The following TUT4 variants were observed in gnomAD, a reference collection of about 807,000 sequenced individuals.
The protein encoded by TUT4 is terminal uridylyl transferase 4, also known as terminal uridylyltransferase 4.
A neutral mutation model predicts 192.2 loss-of-function variants in TUT4; 36 were observed. The observed-to-expected ratio is 0.19, with a 90% CI of 0.14 to 0.25. The LOEUF (loss-of-function observed/expected upper bound fraction) is 0.25, where lower values mean the gene tolerates loss of function less well. Ranked by LOEUF, TUT4 falls within the 10% of genes least tolerant of loss-of-function variation. The probability of loss-of-function intolerance (pLI) is 1.00; values close to 1 mark genes in which losing one functional copy is unlikely to be tolerated. For missense variants in TUT4, 1,493 were observed against 1,957.2 expected, an observed-to-expected ratio of 0.76 and a Z score of 4.47; for synonymous variants, 618 against 666.0, an observed-to-expected ratio of 0.93 and a Z score of 1.11.
chr1:52,475,643 C>A, intron 12 of TUT4, 108 bp from the exon 13 acceptor site: 1 of 1,085,832 alleles, frequency 9.2e-7, no homozygotes, highest in Non-Finnish European at 1.3e-6. Flanking sequence ...ATACATTTTC[C>A]CAAGGGGTTT....
At chr1:52,430,624 C>T (rs1158066925) in intron 28 of TUT4, among the ~76,000 whole-genome samples, 2 of 152,212 alleles carry the variant, frequency 1.3e-5, no homozygotes, top group African/African-American at 2.4e-5. Context: ...AGTGAAGTTA[C>T]TTAACTCTTC....
chr1:52,470,062 C>T (rs1665307659), intron 14 of TUT4, among the ~76,000 whole-genome samples: 1 of 152,088 alleles, frequency 6.6e-6, no homozygotes, highest in Non-Finnish European at 1.5e-5. Context: ...TAATCTCATT[C>T]TCCAATAAAA....
At chr1:52,493,574 A>T (rs750631537) in intron 7 of TUT4, 37 bp downstream of exon 7, 9 of 550,358 alleles carry the variant, frequency 1.6e-5, no homozygotes, top group Admixed American at 1.3e-4. Flanking sequence ...AAGACAAATT[A>T]AAAAAAAAAA....
chr1:52,482,610 G>A (rs1244474390), intron 9 of TUT4, among the ~76,000 whole-genome samples: 1 of 151,938 alleles, frequency 6.6e-6, no homozygotes, highest in African/African-American at 2.4e-5. Flanking sequence ...TTATTTTGTA[G>A]ACTATTTGTA....
rs1678564465 is a variant in TUT4, at chr1:52,515,786, C to T, written c.882+105G>A. The stretch of plus-strand genomic sequence containing the variant: ...AGAGGGAAGTAAGGAAAGATGAATG[C>T]AACCTCTGTCTTATGAATAAAAGAA... On this transcript the variant is annotated intron_variant, in intron 3 of 29. Coordinates refer to ENST00000257177, the MANE Select transcript of TUT4 (RefSeq NM_001009881.3). 3.0e-6 allele frequency: 4 copies of T among 1,337,486 alleles called. No homozygotes were observed. In the South Asian group the frequency reaches 3.8e-5, roughly 13 times the overall value. The allele number at this position is 1,337,486 out of a possible 1,614,324, so 82.9% of individuals were successfully genotyped here. A position where few individuals can be genotyped will look rare whatever the true frequency, so the allele number is the denominator to read the frequency against.
chr1:52,480,813 A>G (rs1268208342), intron 11 of TUT4, among the ~76,000 whole-genome samples: 1 of 152,238 alleles, frequency 6.6e-6, no homozygotes, highest in East Asian at 1.9e-4. Flanking sequence ...GAGAGTATAC[A>G]GTAGTACAGG....
At chr1:52,461,355 A>C in intron 18 of TUT4, 132 bp from the exon 19 acceptor site, 1 of 1,110,484 alleles carries the variant, frequency 9.0e-7, no homozygotes, top group Non-Finnish European at 1.3e-6. Context: ...TTAATGAGTC[A>C]AACAAAAACT....
At chr1:52,527,736 G>A (rs901753769) in intron 1 of TUT4, among the ~76,000 whole-genome samples, 13 of 152,018 alleles carry the variant, frequency 8.6e-5, no homozygotes, top group African/African-American at 1.7e-4. Flanking sequence ...GTATCAATGC[G>A]GGCCAATGTA....
At chr1:52,499,675 A>T (rs1255378384) in intron 4 of TUT4, among the ~76,000 whole-genome samples, 2 of 152,126 alleles carry the variant, frequency 1.3e-5, no homozygotes, top group Non-Finnish European at 2.9e-5. Context: ...TGGAGGTTGC[A>T]GTGAAATGAG....
intron 1 of TUT4, among the ~76,000 whole-genome samples, chr1:52,545,861 C>G (rs1455659473): frequency 6.6e-6 from 1 of 151,678 alleles, no homozygotes; most frequent in Non-Finnish European, 1.5e-5. Flanking sequence ...ATGGCTCATG[C>G]CTGTAATCCC....
At chr1:52,470,083 C>T (rs1298958132) in intron 14 of TUT4, among the ~76,000 whole-genome samples, 2 of 152,028 alleles carry the variant, frequency 1.3e-5, no homozygotes, top group Non-Finnish European at 2.9e-5. Context: ...GGAACCACAG[C>T]TCCTTGGACA....
intron 20 of TUT4, among the ~76,000 whole-genome samples, chr1:52,453,727 T>C (rs1340706774): frequency 2.0e-5 from 3 of 152,144 alleles, no homozygotes; most frequent in African/African-American, 7.2e-5. Context: ...TAGGTAATGC[T>C]GACACTGGAA....
At chr1:52,535,777 G>A (rs1291120990) in intron 1 of TUT4, among the ~76,000 whole-genome samples, 1 of 152,064 alleles carries the variant, frequency 6.6e-6, no homozygotes, top group Non-Finnish European at 1.5e-5. Context: ...AAAGAAGCAA[G>A]AAAATTTAAC....
chr1:52,467,527 A>AC (rs1381331557), intron 15 of TUT4, among the ~76,000 whole-genome samples: 16 of 152,284 alleles, frequency 1.1e-4, no homozygotes, highest in African/African-American at 3.6e-4. Context: ...CTGGACTCAC[A>AC]CAACAGCCTC....
intron 16 of TUT4, 81 bp downstream of exon 16, chr1:52,464,989 A>G: frequency 9.4e-7 from 1 of 1,069,420 alleles, no homozygotes; most frequent in Non-Finnish European, 1.3e-6. Flanking sequence ...CCACATTTTT[A>G]TCAATATCAC....
chr1:52,437,111 A>G, intron 25 of TUT4, 133 bp from the exon 26 acceptor site: 2 of 1,272,520 alleles, frequency 1.6e-6, no homozygotes, highest in Non-Finnish European at 2.1e-6. Context: ...CAAGGGAACA[A>G]ACATTTATGG....
chr1:52,535,924 G>A (rs1312764196), intron 1 of TUT4, among the ~76,000 whole-genome samples: 1 of 152,200 alleles, frequency 6.6e-6, no homozygotes, highest in South Asian at 2.1e-4. Flanking sequence ...CGCCTTTCAA[G>A]AATGAAGGAG....
Position 52,513,393 on chromosome 1 carries a change from C to CAAAAAAAAAAAAAAAA in TUT4, c.882+2482_882+2497dup, listed in dbSNP as rs554170439. Among the ~76,000 whole-genome samples, 57 of 42,082 alleles carry CAAAAAAAAAAAAAAAA rather than the reference C, an allele frequency of 1.4e-3. 2 individuals carry two copies. The highest frequency in any genetic ancestry group is 5.2e-3 in the African/African-American group (30 of 5,752). The allele number at this position is 42,082 out of a possible 152,430, so 27.6% of individuals were successfully genotyped here. A position where few individuals can be genotyped will look rare whatever the true frequency, so the allele number is the denominator to read the frequency against. ...GGGCAACCAGAATGAGACCCTGTCTCAAAAAAAAAAAAAAAAAAAAAGTAC... is the reference window on the plus strand; with the variant it reads ...GGGCAACCAGAATGAGACCCTGTCTCAAAAAAAAAAAAAAAAAAAAAAAAAAAAAAAAAAAAAGTAC... On this transcript the variant is annotated intron_variant, in intron 3 of 29. Transcript: ENST00000257177.
In TUT4 at chr1:52,468,250, A is replaced by G. The variant is rs201375175; in HGVS notation, c.2896T>C (p.Cys966Arg). The change falls in exon 15 of 30, where the codon TGT becomes CGT. Residue 966 changes from cysteine to arginine, a missense_variant. By Grantham distance (180) the Cys-to-Arg change is radical. Around this residue, in one of 7 missense-constraint regions of TUT4, gnomAD observed 59 missense variants for 114.3 expected, o/e 0.52. Coordinates refer to ENST00000257177, the MANE Select transcript of TUT4 (RefSeq NM_001009881.3). ...TGCTCCCTGTTGTGTTGTTCAGAAC[A>G]AGGTGGTGATAACTCATCTGGGTTT... ...KRCFDELSPP[C>R]SEQHNREQIL... The G allele has an allele frequency of 6.2e-7, 1 of 1,602,426 alleles. No homozygotes were observed.
Sources: allele counts gnomAD v4.1 joint callset (sites outside exome capture counted in the v4.1 genomes callset), GRCh38; gene constraint gnomAD v4.1.1; regional missense constraint gnomAD v4.1.1; transcripts MANE v1.5; gene names NCBI Gene and HGNC (gene_info 2026-07-23, HGNC 2026-07-21).